The following SMARCAL1 variants were observed in gnomAD, a reference collection of about 807,000 sequenced individuals.
The protein encoded by SMARCAL1 is ATP-driven annealing helicase.
In SMARCAL1, 58 loss-of-function variants were observed where a neutral mutation model predicts 94.5. The ratio of observed to expected loss-of-function variants is 0.61; its 90% CI spans 0.50 to 0.76. The LOEUF (loss-of-function observed/expected upper bound fraction) is 0.76, where lower values mean the gene tolerates loss of function less well. Ranked by LOEUF, SMARCAL1 falls within the 30% of genes least tolerant of loss-of-function variation. The pLI is 0.00. For missense variants in SMARCAL1, 1,051 were observed against 1,177.9 expected (o/e 0.89, Z 1.58); for synonymous variants, 422 against 455.1 (o/e 0.93, Z 0.93).
chr2:216,480,068 A>T (rs568744261), intron 17 of SMARCAL1, among the ~76,000 whole-genome samples: 1 of 152,264 alleles, frequency 6.6e-6, no homozygotes, highest in East Asian at 1.9e-4. Flanking sequence ...GAAAAAAAAG[A>T]AAGCCTATTT....
At chr2:216,437,785 C>CTATATA (rs3836032) in intron 9 of SMARCAL1, among the ~76,000 whole-genome samples, 2,761 of 150,768 alleles carry the variant, frequency 0.018, 85 homozygotes, top group East Asian at 0.15. Flanking sequence ...GAAAAACAAA[C>CTATATA]TATATATATA....
At chr2:216,472,358 A>G (rs1167969792) in intron 14 of SMARCAL1, among the ~76,000 whole-genome samples, 1 of 152,158 alleles carries the variant, frequency 6.6e-6, no homozygotes, top group African/African-American at 2.4e-5. Context: ...TATCTCAAAA[A>G]TAAGATAAAT....
rs369722586 is a variant in SMARCAL1, at chr2:216,482,990, G to GA, written c.*20dup. ...GTCTCCCCTGTAAAAGGGGCAAAAAGAAAAAAATAAAAAGCATTTTAAAAT... is the reference window on the plus strand; with the variant it reads ...GTCTCCCCTGTAAAAGGGGCAAAAAGAAAAAAAATAAAAAGCATTTTAAAAT... On this transcript the variant is annotated 3_prime_UTR_variant, in exon 18 of 18. Transcript: ENST00000357276. The surrounding 1 kb of genome is among the most constrained non-coding windows in gnomAD (Gnocchi z 4.3). The GA allele has an allele frequency of 3.1e-6, 5 of 1,606,866 alleles. No individual in the cohort carries two copies. Among genetic ancestry groups the GA allele is most frequent in the South Asian group, 2.2e-5 (2 of 89,396 alleles).
rs765018454 is a variant in SMARCAL1, at chr2:216,420,423, A to C, written c.987A>C (p.Ser329=). Residue 329 remains serine (S), a synonymous_variant, in exon 5 of 18, where the codon TCA becomes TCC. Coordinates refer to ENST00000357276, the MANE Select transcript of SMARCAL1 (RefSeq NM_014140.4). ...GCCTTCCATCAGCTCCATCCCTTTC[A>C]TTTGTCAAAGGGCGATGCATGCTCA... is the stretch of plus-strand genomic sequence containing the variant. ...QAGLPSAPSL[S]FVKGRCMLIS... 12 of 1,613,886 alleles carry C rather than the reference A, an allele frequency of 7.4e-6. No homozygotes were observed. The African/African-American group carries it at 1.5e-4, about 20-fold the overall frequency.
In SMARCAL1 at chr2:216,469,130, C is replaced by T. The variant is rs1251023266; in HGVS notation, c.2244+1084C>T. ...TACGAAGGCAATGGGTATCCTTGCC[C>T]TCCATGTTGTCATACTATATTCTAG... On this transcript the variant is annotated intron_variant, in intron 14 of 17. Transcript: ENST00000357276. 2.0e-5 allele frequency among the ~76,000 whole-genome samples: 3 copies of T among 152,212 alleles called. No individual in the cohort carries two copies. In the East Asian group the frequency reaches 5.8e-4, roughly 29 times the overall value.
intron 6 of SMARCAL1, among the ~76,000 whole-genome samples, chr2:216,424,261 T>G (rs561939002): frequency 2.0e-5 from 3 of 152,154 alleles, no homozygotes; most frequent in African/African-American, 4.8e-5. Context: ...CCATTTTGGG[T>G]TTATCATTTT....
chr2:216,479,894 A>T (rs1002436281), intron 17 of SMARCAL1, among the ~76,000 whole-genome samples: 1 of 152,156 alleles, frequency 6.6e-6, no homozygotes, highest in African/African-American at 2.4e-5. Flanking sequence ...TCTACAAAAA[A>T]TACAAAAATT....
chr2:216,420,776 CT>C (rs1693702830), intron 5 of SMARCAL1, among the ~76,000 whole-genome samples: 1 of 152,326 alleles, frequency 6.6e-6, no homozygotes, highest in East Asian at 1.9e-4. Context: ...TCAATATCTT[CT>C]TGGTAGAAGC....
At chr2:216,420,939 G>A (rs533532865) in intron 5 of SMARCAL1, among the ~76,000 whole-genome samples, 58 of 152,332 alleles carry the variant, frequency 3.8e-4, no homozygotes, top group Non-Finnish European at 7.3e-4. Context: ...ACTGCCTGCA[G>A]GGGTTGTTAA....
chr2:216,415,304 G>C lies in SMARCAL1; in HGVS notation c.600G>C (p.Ser200=). Residue 200 remains serine (S), a synonymous_variant, in exon 3 of 18, where the codon TCG becomes TCC. Coordinates refer to ENST00000357276, the MANE Select transcript of SMARCAL1 (RefSeq NM_014140.4). ...CCAAGACAGCAAAAGCCTCCCCTTC[G>C]GGGCAGAACATTTCTTACATCCATT... ...LEAKTAKASP[S]GQNISYIHSS... is the part of the protein sequence containing the mutation. 1 of 1,614,222 alleles carries C rather than the reference G, an allele frequency of 6.2e-7. No homozygotes were observed. The highest frequency in any genetic ancestry group is 8.5e-7 in the Non-Finnish European group (1 of 1,180,036).
chr2:216,450,784 G>A (rs113217326), intron 11 of SMARCAL1, 62 bp from the exon 12 acceptor site: 55 of 1,387,330 alleles, frequency 4.0e-5, no homozygotes, highest in Middle Eastern at 5.0e-4. Flanking sequence ...GGGATCCCAA[G>A]TCCCTGTTGG....
chr2:216,414,849 G>A lies in SMARCAL1; in HGVS notation c.145G>A (p.Ala49Thr). The change falls in exon 3 of 18, where the codon GCC (alanine) becomes ACC (threonine). Residue 49 changes from alanine (A) to threonine (T), a missense_variant. Ala to Thr is a moderately conservative substitution (Grantham distance 58, BLOSUM62 0). This residue lies in a region of SMARCAL1 where 398 missense variants were observed against 395.2 expected (regional missense o/e 1.01). Transcript: ENST00000357276. Reference sequence around the variant, plus strand: ...CTCCATTGCTGGCAACCCATTCCAGGCCAAGCAAGGCCCATCCCAAAATTT... The same window carrying A: ...CTCCATTGCTGGCAACCCATTCCAGACCAAGCAAGGCCCATCCCAAAATTT... ...GTSIAGNPFQAKQGPSQNFPR... is the reference protein window; with the variant it reads ...GTSIAGNPFQTKQGPSQNFPR... 1 of 1,614,146 alleles carries A rather than the reference G, an allele frequency of 6.2e-7. No individual in the cohort carries two copies. The highest frequency in any genetic ancestry group is 8.5e-7 in the Non-Finnish European group (1 of 1,180,042).
chr2:216,469,279 CTTTTTT>C (rs71054477), intron 14 of SMARCAL1, among the ~76,000 whole-genome samples: 4 of 102,998 alleles, frequency 3.9e-5, no homozygotes, highest in African/African-American at 1.2e-4. Flanking sequence ...TTAGAGATTT[CTTTTTT>C]TTTTTTTTTT....
Position 216,414,676 on chromosome 2 carries a change from C to T in SMARCAL1, c.-29C>T, listed in dbSNP as rs756051440. ...TGCCAACTTTCCAATTAAAGGTTGACATTCCTGCATAAGCATTTCTCTGTG... is the reference window on the plus strand; with the variant it reads ...TGCCAACTTTCCAATTAAAGGTTGATATTCCTGCATAAGCATTTCTCTGTG... On this transcript the variant is annotated 5_prime_UTR_variant, in exon 3 of 18. Coordinates refer to ENST00000357276, the MANE Select transcript of SMARCAL1 (RefSeq NM_014140.4). 1.3e-6 allele frequency: 2 copies of T among 1,597,080 alleles called. No individual in the cohort carries two copies. Among genetic ancestry groups the T allele is most frequent in the East Asian group, 2.2e-5 (1 of 44,798 alleles).
At chr2:216,446,428 A>G (rs1187412256) in intron 10 of SMARCAL1, among the ~76,000 whole-genome samples, 1 of 152,236 alleles carries the variant, frequency 6.6e-6, no homozygotes, top group African/African-American at 2.4e-5. Context: ...TTTTCCTTTA[A>G]AGAAAGTCAC....
In SMARCAL1 at chr2:216,416,245, G is replaced by C. The variant is rs756815749; in HGVS notation, c.812-12G>C. Reference sequence around the variant, plus strand: ...AATTGTCAACAGTCATCAGTCCTCTGTTTTGTTTCAGATCCTGACACCAAG... The same window carrying C: ...AATTGTCAACAGTCATCAGTCCTCTCTTTTGTTTCAGATCCTGACACCAAG... On this transcript the variant is annotated splice_polypyrimidine_tract_variant and intron_variant, in intron 3 of 17. Transcript: ENST00000357276. 3 of 1,612,984 alleles carry C rather than the reference G, an allele frequency of 1.9e-6. No individual in the cohort carries two copies. Among genetic ancestry groups the C allele is most frequent in the East Asian group, 2.2e-5 (1 of 44,866 alleles).
chr2:216,450,376 T>C (rs1694422078), intron 11 of SMARCAL1, among the ~76,000 whole-genome samples: 1 of 152,238 alleles, frequency 6.6e-6, no homozygotes. Flanking sequence ...TAATCCATAC[T>C]GCAGAACAAC....
chr2:216,441,776 C>G (rs1309264799), intron 10 of SMARCAL1, among the ~76,000 whole-genome samples: 1 of 152,190 alleles, frequency 6.6e-6, no homozygotes, highest in East Asian at 1.9e-4. Flanking sequence ...CACTCCCATT[C>G]AGTCTTCAAT....
chr2:216,420,149 C>T lies in SMARCAL1; in HGVS notation c.863-150C>T, dbSNP rs1574447584. On this transcript the variant is annotated intron_variant, in intron 4 of 17. Transcript: ENST00000357276. The stretch of plus-strand genomic sequence containing the variant: ...AAAAACACTTTCAAGTCTTCCTAAT[C>T]TAACAGTGCCTTTTCTTGCCTTCCT... The T allele has an allele frequency of 1.1e-5, 7 of 662,638 alleles. No homozygotes were observed. In the East Asian group the frequency reaches 1.7e-4, roughly 16 times the overall value. 41.0% of individuals were successfully genotyped at this position (662,638 alleles called of 1,614,324 possible).
Sources: allele counts gnomAD v4.1 joint callset (sites outside exome capture counted in the v4.1 genomes callset), GRCh38; gene constraint gnomAD v4.1.1; regional missense constraint gnomAD v4.1.1; non-coding constraint Gnocchi (gnomAD v3.1); transcripts MANE v1.5; gene names NCBI Gene and HGNC (gene_info 2026-07-23, HGNC 2026-07-21).